Variants in SLC22A14 observed in about 807,000 individuals in gnomAD.
SLC22A14 encodes organic cation transporter-like 4.
SLC22A14 carries 50 observed loss-of-function variants against 53.9 expected under a neutral mutation model. The observed-to-expected ratio is 0.93, with a 90% CI of 0.74 to 1.17. The LOEUF (loss-of-function observed/expected upper bound fraction) is 1.17. Ranked by LOEUF, SLC22A14 falls within the 50% of genes most tolerant of loss-of-function variation. The pLI, the probability that SLC22A14 is intolerant of heterozygous loss-of-function variation, is 0.00. For missense variants in SLC22A14, 671 were observed against 734.7 expected (o/e 0.91, Z 1.00); for synonymous variants, 312 against 303.0 (o/e 1.03, Z -0.31).
chr3:38,311,389 C>A (rs1209887971), intron 5 of SLC22A14, among the ~76,000 whole-genome samples: 1 of 152,192 alleles, frequency 6.6e-6, no homozygotes, highest in Non-Finnish European at 1.5e-5. Flanking sequence ...CTGATTTGTA[C>A]TGGCCTCCTT....
rs1704335972 is a variant in SLC22A14, at chr3:38,307,357, A to G, written c.620A>G (p.Lys207Arg). Residue 207 changes from lysine (K) to arginine (R), a missense_variant and splice_region_variant, in exon 3 of 11, where the codon AAG becomes AGG. Physicochemically the swap from Lys to Arg is conservative, Grantham distance 26. Coordinates refer to ENST00000448498, the MANE Select transcript of SLC22A14 (RefSeq NM_001320033.2). This position sits in a 1 kb window ranked among gnomAD's most constrained non-coding sequence, Gnocchi z 4.4. ...CTCATCTTCAGGCTCATAACTGACAAGTGAGTCCCCGGGAGTTTCTGCTGG... is the reference window on the plus strand; with the variant it reads ...CTCATCTTCAGGCTCATAACTGACAGGTGAGTCCCCGGGAGTTTCTGCTGG... ...GSLIFRLITD[K>R]MGRYPAILLS... 2 of 1,610,760 alleles carry G rather than the reference A, an allele frequency of 1.2e-6. No homozygotes were observed. The highest frequency in any genetic ancestry group is 1.7e-6 in the Non-Finnish European group (2 of 1,176,860).
intron 1 of SLC22A14, among the ~76,000 whole-genome samples, chr3:38,296,185 G>A (rs888561981): frequency 6.6e-6 from 1 of 152,234 alleles, no homozygotes; most frequent in Non-Finnish European, 1.5e-5. Flanking sequence ...ACACGCATGG[G>A]CGGCTGTTGA....
In SLC22A14 at chr3:38,306,104, A is replaced by G; in HGVS notation, c.78A>G (p.Ala26=). The G allele has an allele frequency of 6.2e-7, 1 of 1,614,140 alleles. No homozygotes were observed. The highest frequency in any genetic ancestry group is 8.5e-7 in the Non-Finnish European group (1 of 1,179,998). ...GGAACTTGAACCAGCATGAGGTAGCAGGACATCCACATTCCTGGTCTCTGG... is the reference window on the plus strand; with the variant it reads ...GGAACTTGAACCAGCATGAGGTAGCGGGACATCCACATTCCTGGTCTCTGG... ...ASRNLNQHEV[A]GHPHSWSLEM... is the part of the protein sequence containing the mutation. Residue 26 remains alanine, a synonymous_variant, in exon 2 of 11, where the codon GCA becomes GCG. Transcript: ENST00000448498.
chr3:38,298,841 C>A (rs1044846110), intron 1 of SLC22A14, among the ~76,000 whole-genome samples: 3 of 152,192 alleles, frequency 2.0e-5, no homozygotes, highest in Non-Finnish European at 4.4e-5. Flanking sequence ...AGGTGTGAGC[C>A]ACTGTTCCCA....
chr3:38,290,860 T>A (rs1377754767), intron 1 of SLC22A14, among the ~76,000 whole-genome samples: 2 of 152,194 alleles, frequency 1.3e-5, no homozygotes, highest in Non-Finnish European at 2.9e-5. Context: ...CAATATCTGC[T>A]TGGTGGTTCC....
At position 38,307,316 on chromosome 3, in the gene SLC22A14, G is replaced by A. The variant is rs1477595821; in HGVS notation, c.579G>A (p.Gly193=). 1 of 1,613,952 alleles carries A rather than the reference G, an allele frequency of 6.2e-7. No homozygotes were observed. The highest frequency in any genetic ancestry group is 2.2e-5 in the East Asian group (1 of 44,892). ...KDTAQIMFMA[G]LPIGSLIFRL... ...CTGCACAGATCATGTTCATGGCAGG[G>A]CTCCCGATAGGCTCTCTCATCTTCA... Residue 193 remains glycine (G), a synonymous_variant, in exon 3 of 11, where the codon GGG becomes GGA. Transcript: ENST00000448498. The surrounding 1 kb of genome is among the most constrained non-coding windows in gnomAD (Gnocchi z 4.4).
At chr3:38,305,989 T>TTAGCA (rs759804580) in intron 1 of SLC22A14, 38 bp from the exon 2 acceptor site, 1 of 1,567,778 alleles carries the variant, frequency 6.4e-7, no homozygotes, top group Non-Finnish European at 8.7e-7. Flanking sequence ...TAGGAAGTGG[T>TTAGCA]GTCAGCAGAG....
Position 38,307,531 on chromosome 3 carries a change from C to T in SLC22A14, c.621-35C>T, listed in dbSNP as rs1484760338. ...CGGCTGGGGCCAGCCCGGGAGATCC[C>T]GGCACTTGGTGCAGCCTCCCTTTGA... On this transcript the variant is annotated intron_variant, in intron 3 of 10. Transcript: ENST00000448498. The surrounding 1 kb of genome is among the most constrained non-coding windows in gnomAD (Gnocchi z 4.4). The T allele has an allele frequency of 8.7e-6, 14 of 1,607,616 alleles. No individual in the cohort carries two copies. The highest frequency in any genetic ancestry group is 1.1e-5 in the Non-Finnish European group (13 of 1,176,612).
Position 38,318,194 on chromosome 3 carries a change from TC to T in SLC22A14, c.1734-3del. ...CTGGACTCATCCTCTGATGGCTCTT[TC>T]AGGAATAAGGTCAAGGACATGAAGA... On this transcript the variant is annotated splice_polypyrimidine_tract_variant and splice_region_variant and intron_variant, in intron 10 of 10. Transcript: ENST00000448498. 1 of 1,613,798 alleles carries T rather than the reference TC, an allele frequency of 6.2e-7. No individual in the cohort carries two copies. Among genetic ancestry groups the T allele is most frequent in the South Asian group, 1.1e-5 (1 of 91,068 alleles).
At chr3:38,301,444 T>C (rs1217696173) in intron 1 of SLC22A14, among the ~76,000 whole-genome samples, 1 of 152,234 alleles carries the variant, frequency 6.6e-6, no homozygotes, top group Non-Finnish European at 1.5e-5. Flanking sequence ...TTTGAAGATT[T>C]TTTTCATTGA....
intron 1 of SLC22A14, among the ~76,000 whole-genome samples, chr3:38,301,013 C>T (rs1281224340): frequency 6.6e-6 from 1 of 151,962 alleles, no homozygotes; most frequent in Admixed American, 6.6e-5. Context: ...GGGGTTGGGT[C>T]TCGCTATATT....
intron 5 of SLC22A14, 135 bp from the exon 6 acceptor site, chr3:38,312,864 G>A (rs1704507635): frequency 8.5e-7 from 1 of 1,171,136 alleles, no homozygotes; most frequent in Non-Finnish European, 1.2e-6. Context: ...CGAGGTCAGT[G>A]GTGGCCTTCA....
chr3:38,301,902 G>C (rs544591777), intron 1 of SLC22A14, among the ~76,000 whole-genome samples: 1 of 151,398 alleles, frequency 6.6e-6, no homozygotes, highest in Non-Finnish European at 1.5e-5. Context: ...GATCTATTAA[G>C]TATTGATCTA....
Position 38,316,333 on chromosome 3 carries a change from T to G in SLC22A14, c.1542T>G (p.Gly514=), listed in dbSNP as rs770561956. Residue 514 remains glycine, a synonymous_variant, in exon 10 of 11, where the codon GGT becomes GGG. Coordinates refer to ENST00000448498, the MANE Select transcript of SLC22A14 (RefSeq NM_001320033.2). The stretch of plus-strand genomic sequence containing the variant: ...TCACCTCCACTTTCAGGGCGACAGG[T>G]CTGGGGCTGGTGTCTCTGGCCTCGG... The part of the protein sequence containing the change: ...ELLPTVLRAT[G]LGLVSLASVA... 2 of 1,614,070 alleles carry G rather than the reference T, an allele frequency of 1.2e-6. No individual in the cohort carries two copies. Among genetic ancestry groups the G allele is most frequent in the Admixed American group, 3.3e-5 (2 of 60,004 alleles).
rs1284489945 is a variant in SLC22A14, at chr3:38,306,321, A to C, written c.295A>C (p.Asn99His). The C allele has an allele frequency of 6.2e-7, 1 of 1,614,164 alleles. No individual in the cohort carries two copies. Among genetic ancestry groups the C allele is most frequent in the South Asian group, 1.1e-5 (1 of 91,074 alleles). The change falls in exon 2 of 11, where the codon AAT becomes CAT. Residue 99 changes from asparagine (N) to histidine (H), a missense_variant. Coordinates refer to ENST00000448498, the MANE Select transcript of SLC22A14 (RefSeq NM_001320033.2). ...FVFTAQKPYC[N>H]TSWILAVGPH... ...GTTCACAGCCCAGAAGCCCTATTGC[A>C]ATACCAGCTGGATCCTGGCAGTGGG...
rs2125888037 is a variant in SLC22A14 at position 38,309,002 on chromosome 3, G to A, written c.824G>A (p.Gly275Glu). The A allele has an allele frequency of 1.2e-6, 2 of 1,614,174 alleles. No individual in the cohort carries two copies. Among genetic ancestry groups the A allele is most frequent in the Middle Eastern group, 3.3e-4 (2 of 6,062 alleles). Residue 275 changes from glycine (G) to glutamate (E), a missense_variant, in exon 5 of 11, where the codon GGA becomes GAA. Gly to Glu is a moderately conservative substitution (Grantham distance 98). Transcript: ENST00000448498. ...CACCGGGCCCATGCCATTATCCTGG[G>A]ACACTGCTTTTTCGCTGTTGGGGCC... ...GEHRAHAIIL[G>E]HCFFAVGAVL...
At chr3:38,296,308 G>A (rs990467324) in intron 1 of SLC22A14, among the ~76,000 whole-genome samples, 3 of 152,176 alleles carry the variant, frequency 2.0e-5, no homozygotes, top group Admixed American at 6.5e-5. Flanking sequence ...GAAAGTGGAA[G>A]CTGGTTCCAG....
At position 38,318,422 on chromosome 3, in the gene SLC22A14, A is replaced by G; in HGVS notation, c.*173A>G. ...GAATTGAGTGGCCAAGTATGGGGTC[A>G]TGGATTCCAGGCCACAAATTCCAGG... On this transcript the variant is annotated 3_prime_UTR_variant, in exon 11 of 11. Transcript: ENST00000448498. The G allele has an allele frequency of 1.6e-6, 1 of 639,346 alleles. No individual in the cohort carries two copies. The highest frequency in any genetic ancestry group is 2.8e-6 in the Non-Finnish European group (1 of 353,224). The allele number at this position is 639,346 out of a possible 1,614,324, so 39.6% of individuals were successfully genotyped here.
intron 8 of SLC22A14, among the ~76,000 whole-genome samples, chr3:38,314,630 C>A (rs1200586507): frequency 6.6e-6 from 1 of 152,250 alleles, no homozygotes; most frequent in African/African-American, 2.4e-5. Flanking sequence ...ACAGTCGCAG[C>A]AAGGGCAGGG....
Sources: gnomAD v4.1 joint callset for allele counts (sites outside exome capture counted in the v4.1 genomes callset) on GRCh38, gnomAD v4.1.1 for gene constraint, Gnocchi (gnomAD v3.1) non-coding constraint, MANE v1.5 for transcripts, NCBI Gene and HGNC (gene_info 2026-07-23, HGNC 2026-07-21) for gene names.